The following MTUS2 variants were observed in gnomAD, a reference collection of about 807,000 sequenced individuals.
MTUS2 encodes microtubule associated scaffold protein 2, also known as microtubule-associated tumor suppressor candidate 2.
Under a neutral mutation model 114.1 loss-of-function variants are expected in MTUS2, and 40 were observed. The observed-to-expected ratio is 0.35, with a 90% CI of 0.27 to 0.46. The LOEUF is 0.46. MTUS2 is among the 20% of genes least tolerant of loss of function. MTUS2 has a pLI of 1.00. For synonymous variants in MTUS2, 688 were observed against 672.0 expected (o/e 1.02, Z -0.37); for missense variants, 1,679 against 1,705.4 (o/e 0.98, Z 0.27).
At chr13:28,872,130 G>T (rs771257880) in intron 2 of MTUS2, among the ~76,000 whole-genome samples, 1 of 152,180 alleles carries the variant, frequency 6.6e-6, no homozygotes, top group Non-Finnish European at 1.5e-5. Context: ...ACTGTAAGGA[G>T]CCCAGCTGGG....
chr13:29,317,981 C>T (rs1900079954), intron 6 of MTUS2, among the ~76,000 whole-genome samples: 1 of 152,162 alleles, frequency 6.6e-6, no homozygotes, highest in South Asian at 2.1e-4. Flanking sequence ...GCCACCTTTG[C>T]TTTTCCCTCT....
At chr13:29,263,046 G>T (rs760785275) in intron 5 of MTUS2, among the ~76,000 whole-genome samples, 21 of 152,122 alleles carry the variant, frequency 1.4e-4, no homozygotes, top group Non-Finnish European at 2.5e-4. Flanking sequence ...TAACAAAAGA[G>T]GATTAATTTG....
chr13:29,084,612 A>ACTGCAACTT (rs1194763786), intron 4 of MTUS2, among the ~76,000 whole-genome samples: 2 of 143,338 alleles, frequency 1.4e-5, no homozygotes, highest in East Asian at 2.1e-4. Flanking sequence ...ATCTCAGCTC[A>ACTGCAACTT]CTGCAACTTC....
At chr13:28,940,252 T>C (rs1882151922) in intron 2 of MTUS2, among the ~76,000 whole-genome samples, 1 of 151,250 alleles carries the variant, frequency 6.6e-6, no homozygotes, top group Admixed American at 6.6e-5. Context: ...AAGTGAACTG[T>C]GTTGTGTACA....
intron 7 of MTUS2, among the ~76,000 whole-genome samples, chr13:29,334,122 C>T (rs9579332): frequency 0.19 from 28,577 of 152,018 alleles, 2,778 homozygotes; most frequent in Middle Eastern, 0.22. Flanking sequence ...GATGGGTCTC[C>T]TGAATACAGG....
At chr13:28,824,372 T>C (rs1269253667) in intron 1 of MTUS2, among the ~76,000 whole-genome samples, 1 of 152,240 alleles carries the variant, frequency 6.6e-6, no homozygotes, top group East Asian at 1.9e-4. Context: ...CTCTGTCCTC[T>C]AGTCTCTGTA....
intron 2 of MTUS2, among the ~76,000 whole-genome samples, chr13:28,849,713 T>G (rs1361392740): frequency 6.6e-6 from 1 of 152,028 alleles, no homozygotes; most frequent in Non-Finnish European, 1.5e-5. Context: ...GCTTGAACCC[T>G]TTGCTCCAGC....
chr13:28,928,619 T>C (rs1283304807), intron 2 of MTUS2, among the ~76,000 whole-genome samples: 2 of 152,164 alleles, frequency 1.3e-5, no homozygotes, highest in Non-Finnish European at 2.9e-5. Context: ...TGGGGAACCC[T>C]TATATGCCAT....
At chr13:29,261,892 G>T (rs1019700536) in intron 5 of MTUS2, among the ~76,000 whole-genome samples, 12 of 146,812 alleles carry the variant, frequency 8.2e-5, no homozygotes, top group African/African-American at 2.7e-4. Flanking sequence ...GGGTCTAATT[G>T]ATATAAAAGA....
intron 5 of MTUS2, among the ~76,000 whole-genome samples, chr13:29,160,769 CA>C (rs71090227): frequency 0.39 from 46,732 of 118,904 alleles, 8,432 homozygotes; most frequent in East Asian, 0.64. Flanking sequence ...GACTCCGTCT[CA>C]AAAAAAAAAA....
chr13:29,259,420 A>G (rs541079717), intron 5 of MTUS2, among the ~76,000 whole-genome samples: 2 of 152,342 alleles, frequency 1.3e-5, no homozygotes. Context: ...TCAGAGGCAA[A>G]GAGACCCACC....
chr13:29,343,358 T>C (rs575328797), intron 7 of MTUS2, among the ~76,000 whole-genome samples: 1 of 152,032 alleles, frequency 6.6e-6, no homozygotes, highest in East Asian at 1.9e-4. Context: ...TTTGGAGTTA[T>C]AATTTCTTCC....
intron 5 of MTUS2, among the ~76,000 whole-genome samples, chr13:29,171,118 T>TGGTG (rs1204933769): frequency 4.8e-5 from 7 of 147,126 alleles, no homozygotes; most frequent in Non-Finnish European, 7.5e-5. Context: ...CAGGAAGGCT[T>TGGTG]GGTGAGTGAG....
At chr13:29,256,600 T>C (rs1380326698) in intron 5 of MTUS2, among the ~76,000 whole-genome samples, 1 of 152,262 alleles carries the variant, frequency 6.6e-6, no homozygotes, top group Non-Finnish European at 1.5e-5. Context: ...GTGAACAAGA[T>C]AGACTCATAT....
At chr13:29,244,314 A>G (rs535131082) in intron 5 of MTUS2, among the ~76,000 whole-genome samples, 1 of 152,170 alleles carries the variant, frequency 6.6e-6, no homozygotes. Context: ...AGGGAGACTT[A>G]CAGTCATGAT....
At chr13:29,312,301 A>G (rs1236852168) in intron 6 of MTUS2, among the ~76,000 whole-genome samples, 1 of 152,204 alleles carries the variant, frequency 6.6e-6, no homozygotes, top group Admixed American at 6.5e-5. Flanking sequence ...TGAAATCTCC[A>G]ACAGCTAATA....
intron 7 of MTUS2, among the ~76,000 whole-genome samples, chr13:29,349,111 T>C (rs945700969): frequency 1.3e-5 from 2 of 152,172 alleles, no homozygotes; most frequent in African/African-American, 4.8e-5. Flanking sequence ...TTTCCCTCTT[T>C]TACTGCCTTC....
At chr13:29,294,001 T>C (rs1433896324) in intron 6 of MTUS2, among the ~76,000 whole-genome samples, 2 of 152,154 alleles carry the variant, frequency 1.3e-5, no homozygotes, top group Non-Finnish European at 2.9e-5. Context: ...CATTTTTAAA[T>C]TTTGTTCTTT....
intron 4 of MTUS2, among the ~76,000 whole-genome samples, chr13:29,063,499 G>C (rs1888516378): frequency 6.6e-6 from 1 of 152,128 alleles, no homozygotes; most frequent in African/African-American, 2.4e-5. Flanking sequence ...GAAAAGTTGG[G>C]ACAGTTCTTC....
Sources: gnomAD v4.1 joint callset for allele counts (sites outside exome capture counted in the v4.1 genomes callset) on GRCh38, gnomAD v4.1.1 for gene constraint, MANE v1.5 for transcripts, NCBI Gene and HGNC (gene_info 2026-07-23, HGNC 2026-07-21) for gene names.